The following HIP1 variants were observed in gnomAD, a reference collection of about 807,000 sequenced individuals.
The protein encoded by HIP1 is huntingtin interacting protein 1.
Under a neutral mutation model 147.6 loss-of-function variants are expected in HIP1, and 65 were observed. That is an observed-to-expected ratio of 0.44 (90% confidence interval 0.36 to 0.54). The LOEUF is 0.54. Among genes scored for constraint, HIP1 ranks in the 20% least tolerant of loss-of-function variants. The pLI is 0.00. For synonymous variants in HIP1, 479 were observed against 504.0 expected, an observed-to-expected ratio of 0.95 and a Z score of 0.67; for missense variants, 1,061 against 1,299.6, an observed-to-expected ratio of 0.82 and a Z score of 2.82.
intron 1 of HIP1, among the ~76,000 whole-genome samples, chr7:75,684,667 C>T (rs566010983): frequency 1.7e-4 from 26 of 152,194 alleles, no homozygotes; most frequent in African/African-American, 5.8e-4. Context: ...CATAGATGAA[C>T]ACTTAGGTTG....
chr7:75,646,043 C>A (rs1380706601), intron 1 of HIP1, among the ~76,000 whole-genome samples: 1 of 152,092 alleles, frequency 6.6e-6, no homozygotes, highest in Non-Finnish European at 1.5e-5. Context: ...CACAATATAC[C>A]CATGTAACAA....
intron 6 of HIP1, among the ~76,000 whole-genome samples, chr7:75,581,860 C>T (rs1796065408): frequency 6.6e-6 from 1 of 152,112 alleles, no homozygotes; most frequent in Non-Finnish European, 1.5e-5. Context: ...GAAAGCGAGA[C>T]AGACAGGAAA....
intron 1 of HIP1, among the ~76,000 whole-genome samples, chr7:75,675,562 C>T (rs1444754448): frequency 4.6e-5 from 7 of 151,962 alleles, no homozygotes; most frequent in African/African-American, 1.7e-4. Flanking sequence ...CTTTTTTGTT[C>T]CTTTTTATAA....
intron 17 of HIP1, among the ~76,000 whole-genome samples, 173 bp from the exon 18 acceptor site, chr7:75,556,342 C>A (rs1263083075): frequency 6.6e-6 from 1 of 152,074 alleles, no homozygotes; most frequent in Non-Finnish European, 1.5e-5. Flanking sequence ...GCTGACTTGG[C>A]CAGGCCAAGG....
intron 1 of HIP1, among the ~76,000 whole-genome samples, chr7:75,666,126 G>A (rs563460794): frequency 2.4e-4 from 37 of 151,992 alleles, no homozygotes; most frequent in African/African-American, 8.2e-4. Context: ...CCTCTTGTAT[G>A]GTAGATTTTT....
At chr7:75,617,071 TA>T (rs1554506199) in intron 1 of HIP1, among the ~76,000 whole-genome samples, 1 of 133,300 alleles carries the variant, frequency 7.5e-6, no homozygotes, top group African/African-American at 2.9e-5. Context: ...CACACCCAGC[TA>T]ATTTTTTTTT....
In HIP1 at chr7:75,581,232, C is replaced by G; in HGVS notation, c.604+5G>C. On this transcript the variant is annotated splice_donor_5th_base_variant and intron_variant, in intron 7 of 30. Transcript: ENST00000336926. ...CCTGGGTTAGACGGGAGGGAAGAGACTCACCTGTTTGGAAGAGGTTGAGTT... is the reference window on the plus strand; with the variant it reads ...CCTGGGTTAGACGGGAGGGAAGAGAGTCACCTGTTTGGAAGAGGTTGAGTT... 1 of 1,606,990 alleles carries G rather than the reference C, an allele frequency of 6.2e-7. No homozygotes were observed. The highest frequency in any genetic ancestry group is 8.5e-7 in the Non-Finnish European group (1 of 1,175,216).
At chr7:75,664,073 TAC>T (rs375754868) in intron 1 of HIP1, among the ~76,000 whole-genome samples, 4,605 of 40,326 alleles carry the variant, frequency 0.11, 1,532 homozygotes, top group Non-Finnish European at 0.17. Flanking sequence ...TATGTGTATA[TAC>T]ACACACATAT....
intron 1 of HIP1, among the ~76,000 whole-genome samples, chr7:75,724,244 C>T (rs534393887): frequency 4.2e-4 from 61 of 144,040 alleles, no homozygotes; most frequent in Non-Finnish European, 9.0e-4. Flanking sequence ...TGAGCCACCG[C>T]GCCCAGCCTA....
intron 25 of HIP1, among the ~76,000 whole-genome samples, chr7:75,545,597 G>A (rs941517122): frequency 2.6e-5 from 4 of 151,864 alleles, no homozygotes; most frequent in East Asian, 1.9e-4. Context: ...AGCCGAGATC[G>A]CGTCACTGCA....
Position 75,599,218 on chromosome 7 carries a change from C to A in HIP1, c.150G>T (p.Thr50=), listed in dbSNP as rs372317584. The change falls in exon 2 of 31, where the codon ACG becomes ACT. Residue 50 remains threonine, a synonymous_variant. Transcript: ENST00000336926. Reference sequence around the variant, plus strand: ...GTTTTTCCTTTACAGCCACTTCCTGCGTATTAATGGCCTTATTGATGCTGA... The same window carrying A: ...GTTTTTCCTTTACAGCCACTTCCTGAGTATTAATGGCCTTATTGATGCTGA... The part of the protein sequence containing the change: ...QTVSINKAIN[T]QEVAVKEKHA... The A allele has an allele frequency of 3.7e-6, 6 of 1,613,198 alleles. No homozygotes were observed. The South Asian group carries it at 5.5e-5, about 15-fold the overall frequency.
At position 75,555,942 on chromosome 7, in the gene HIP1, G is replaced by A. The variant is rs1011945458; in HGVS notation, c.1827+84C>T. The A allele has an allele frequency of 3.3e-6, 5 of 1,535,032 alleles. No homozygotes were observed. In the East Asian group the frequency reaches 1.1e-4, roughly 35 times the overall value. ...CCCCAAACCCCTTCTCAGCAGCCCC[G>A]GGGTCCTCCCAGCCTCCGTGCATGC... On this transcript the variant is annotated intron_variant, in intron 18 of 30. Transcript: ENST00000336926.
chr7:75,664,181 C>T (rs1417654580), intron 1 of HIP1, among the ~76,000 whole-genome samples: 2 of 90,404 alleles, frequency 2.2e-5, no homozygotes, highest in Admixed American at 1.0e-4. Flanking sequence ...CATATATGTA[C>T]ATACATATAT....
In HIP1 at chr7:75,729,361, C is replaced by CCTGT. The variant is rs1387237154; in HGVS notation, c.120+9436_120+9439dup. 2.0e-5 allele frequency among the ~76,000 whole-genome samples: 3 copies of CCTGT among 149,274 alleles called. No homozygotes were observed. The East Asian group carries it at 6.0e-4, about 30-fold the overall frequency. On this transcript the variant is annotated intron_variant, in intron 1 of 30. Coordinates refer to ENST00000336926, the MANE Select transcript of HIP1 (RefSeq NM_005338.7). ...AATTAGCTGGGTGTGGCAGCACATA[C>CCTGT]CTGTAGTCCCAGCTGCTCAGGAGGC...
chr7:75,713,705 T>TTC (rs1801225572), intron 1 of HIP1, among the ~76,000 whole-genome samples: 1 of 151,498 alleles, frequency 6.6e-6, no homozygotes, highest in East Asian at 1.9e-4. Context: ...CATGCCATTT[T>TTC]TTTTTTTTTG....
At chr7:75,726,875 C>T (rs1315505441) in intron 1 of HIP1, among the ~76,000 whole-genome samples, 1 of 151,848 alleles carries the variant, frequency 6.6e-6, no homozygotes, top group Non-Finnish European at 1.5e-5. Flanking sequence ...TGGGGTTTCA[C>T]CATGTTGGCC....
chr7:75,702,846 T>G (rs1554519285), intron 1 of HIP1, among the ~76,000 whole-genome samples: 1 of 150,082 alleles, frequency 6.7e-6, no homozygotes, highest in African/African-American at 2.4e-5. Context: ...TCAAGGAAAT[T>G]TATAGAACAA....
Position 75,537,150 on chromosome 7 carries a change from G to A in HIP1, c.*1022C>T. The stretch of plus-strand genomic sequence containing the variant: ...GGAAGTAGTGTTGTTGATCTCACCA[G>A]CTCCATTCAAGCATGTGATCAAGTT... On this transcript the variant is annotated 3_prime_UTR_variant, in exon 31 of 31. Transcript: ENST00000336926. 4.3e-6 allele frequency: 1 copy of A among 232,798 alleles called. No homozygotes were observed. Among genetic ancestry groups the A allele is most frequent in the Non-Finnish European group, 8.5e-6 (1 of 117,716 alleles). 14.4% of individuals were successfully genotyped at this position (232,798 alleles called of 1,614,324 possible). A position where few individuals can be genotyped will look rare whatever the true frequency, so the allele number is the denominator to read the frequency against.
rs144935672 is a variant in HIP1 at position 75,735,617 on chromosome 7, A to G, written c.120+3184T>C. Among the ~76,000 whole-genome samples the G allele has an allele frequency of 2.6e-5, 4 of 152,172 alleles. No individual in the cohort carries two copies. The East Asian group carries it at 7.7e-4, about 29-fold the overall frequency. On this transcript the variant is annotated intron_variant, in intron 1 of 30. Coordinates refer to ENST00000336926, the MANE Select transcript of HIP1 (RefSeq NM_005338.7). ...AATACATTTGATAGGTAGTCATTAA[A>G]CAAAATAATTTTTTTGCAGATTGAC...
Sources: gnomAD v4.1 joint callset for allele counts (sites outside exome capture counted in the v4.1 genomes callset) on GRCh38, gnomAD v4.1.1 for gene constraint, MANE v1.5 for transcripts, NCBI Gene and HGNC (gene_info 2026-07-23, HGNC 2026-07-21) for gene names.